The following ZNF680 variants were observed in gnomAD, a reference collection of about 807,000 sequenced individuals.
ZNF680 encodes the protein zinc finger protein 680, also known as hypothetical protein FLJ90430.
In ZNF680, 6 loss-of-function variants were observed where a neutral mutation model predicts 12.1. That is an observed-to-expected ratio of 0.49 (90% CI 0.27 to 0.98). The LOEUF (loss-of-function observed/expected upper bound fraction) is 0.98. Ranked by LOEUF, ZNF680 falls within the 50% of genes least tolerant of loss-of-function variation. ZNF680 has a pLI of 0.12. For missense variants in ZNF680, 561 were observed against 616.3 expected (o/e 0.91, Z 0.95); for synonymous variants, 170 against 199.3 (o/e 0.85, Z 1.24).
chr7:64,514,900 G>A (rs1319435773), downstream of ZNF680, among the ~76,000 whole-genome samples: 6 of 152,098 alleles, frequency 3.9e-5, no homozygotes, highest in Admixed American at 1.3e-4. Context: ...AAAATTAGCC[G>A]GGCGTGGTCG....
intron 3 of ZNF680, among the ~76,000 whole-genome samples, chr7:64,530,226 T>C (rs1023072029): frequency 3.9e-5 from 6 of 152,022 alleles, no homozygotes; most frequent in Non-Finnish European, 5.9e-5. Context: ...ACAGGACCTA[T>C]AGAACAAAAA....
intron 1 of ZNF680, chr7:64,551,417 A>G (rs1168273343): frequency 6.6e-6 from 1 of 152,306 alleles, no homozygotes; most frequent in Non-Finnish European, 1.5e-5. Flanking sequence ...ACTGAGGTAC[A>G]GCCCACAATA....
the ZNF680 span, among the ~76,000 whole-genome samples, chr7:64,503,860 T>A: frequency 6.6e-6 from 1 of 152,152 alleles, no homozygotes; most frequent in African/African-American, 2.4e-5. Flanking sequence ...TGGGTAGAGC[T>A]GAGAATAGCA....
chr7:64,506,594 T>C, the ZNF680 span, among the ~76,000 whole-genome samples: 5 of 152,244 alleles, frequency 3.3e-5, no homozygotes, highest in Non-Finnish European at 2.9e-5. Flanking sequence ...TAATTTTTTT[T>C]CTGGCTTAAA....
chr7:64,526,149 C>A, intron 3 of ZNF680: 1 of 901,148 alleles, frequency 1.1e-6, no homozygotes, highest in Non-Finnish European at 1.3e-6. Context: ...TATTGGACAC[C>A]ATCAAGTACA....
In ZNF680 at chr7:64,522,288, A is replaced by G; in HGVS notation, c.466T>C (p.Cys156Arg). The G allele has an allele frequency of 6.2e-7, 1 of 1,613,230 alleles. No individual in the cohort carries two copies. The highest frequency in any genetic ancestry group is 8.5e-7 in the Non-Finnish European group (1 of 1,179,496). ...LRTTQSKIFQ[C>R]DKYVKVFHKF... ...TGAAAGACTTTCACGTATTTATCAC[A>G]TTGAAATATTTTGCTCTGGGTAGTT... Residue 156 changes from cysteine to arginine, a missense_variant, in exon 4 of 4, where the codon TGT (cysteine) becomes CGT (arginine). Transcript: ENST00000309683.
chr7:64,501,531 A>G, the ZNF680 span: 1 of 770,700 alleles, frequency 1.3e-6, no homozygotes, highest in African/African-American at 1.7e-5. Flanking sequence ...AGAGGAACAG[A>G]GCAGGAGCTC....
intron 1 of ZNF680, among the ~76,000 whole-genome samples, chr7:64,554,479 C>T (rs62461522): frequency 0.05 from 7,644 of 152,240 alleles, 286 homozygotes; most frequent in East Asian, 0.17. Flanking sequence ...CCGGCTGCCC[C>T]GTCTGGGAGG....
chr7:64,548,269 A>G (rs1424698019), intron 1 of ZNF680, among the ~76,000 whole-genome samples: 1 of 152,264 alleles, frequency 6.6e-6, no homozygotes, highest in Non-Finnish European at 1.5e-5. Flanking sequence ...GAAAGTAAAA[A>G]AGAATACAAA....
At chr7:64,535,462 G>C (rs1387975145) in intron 3 of ZNF680, among the ~76,000 whole-genome samples, 1 of 142,110 alleles carries the variant, frequency 7.0e-6, no homozygotes, top group African/African-American at 2.6e-5. Flanking sequence ...GAGAGAGAAA[G>C]AGAAAAAGAA....
intron 1 of ZNF680, among the ~76,000 whole-genome samples, chr7:64,548,762 C>T (rs888262843): frequency 2.6e-5 from 4 of 151,996 alleles, no homozygotes; most frequent in Non-Finnish European, 5.9e-5. Context: ...TGAGAGGGTT[C>T]CCAATGACCC....
downstream of ZNF680, among the ~76,000 whole-genome samples, chr7:64,516,259 T>C (rs898002614): frequency 6.6e-6 from 1 of 152,214 alleles, no homozygotes; most frequent in Non-Finnish European, 1.5e-5. Context: ...CTAAGTGTTA[T>C]CTCAAACAAA....
At chr7:64,515,345 T>C (rs984092162), downstream of ZNF680, among the ~76,000 whole-genome samples, 17 of 150,990 alleles carry the variant, frequency 1.1e-4, no homozygotes, top group Admixed American at 9.2e-4. Flanking sequence ...CACCCCCCCC[T>C]AAAAAATCCT....
chr7:64,539,351 CAAAAAAAAAAA>C (rs1170166478), intron 3 of ZNF680, among the ~76,000 whole-genome samples: 4 of 48,498 alleles, frequency 8.2e-5, no homozygotes, highest in Non-Finnish European at 1.4e-4. Context: ...AACTTCGTCT[CAAAAAAAAAAA>C]AAAAAAAAAA....
At chr7:64,561,194 G>GCACT (rs1346508073) in intron 1 of ZNF680, 13 of 155,144 alleles carry the variant, frequency 8.4e-5, no homozygotes, top group African/African-American at 3.1e-4. Flanking sequence ...TTCCAAGGAA[G>GCACT]AGTGCACCAG....
chr7:64,544,040 GCAA>G lies in ZNF680; in HGVS notation c.158-241_158-239del, dbSNP rs1786647553. ...GGGGCAATTAAATTTTAAGGTGTGG[GCAA>G]CAACATTTTATGCCATCAAATTTCT... On this transcript the variant is annotated intron_variant, in intron 2 of 3. Coordinates refer to ENST00000309683, the MANE Select transcript of ZNF680 (RefSeq NM_178558.5). 6 of 596,338 alleles carry G rather than the reference GCAA, an allele frequency of 1.0e-5. No individual in the cohort carries two copies. The South Asian group carries it at 1.4e-4, about 14-fold the overall frequency. The allele number at this position is 596,338 out of a possible 1,614,324, so 36.9% of individuals were successfully genotyped here. A position where few individuals can be genotyped will look rare whatever the true frequency, so the allele number is the denominator to read the frequency against.
chr7:64,499,616 G>C, the ZNF680 span, among the ~76,000 whole-genome samples: 1 of 152,120 alleles, frequency 6.6e-6, no homozygotes, highest in Non-Finnish European at 1.5e-5. Flanking sequence ...AATTAACCGG[G>C]TGTGGTGTGC....
chr7:64,536,870 G>T (rs997195035), intron 3 of ZNF680, among the ~76,000 whole-genome samples: 3 of 152,028 alleles, frequency 2.0e-5, no homozygotes, highest in Non-Finnish European at 2.9e-5. Flanking sequence ...GAAGTTTCAG[G>T]CCAGCCTAGG....
intron 1 of ZNF680, among the ~76,000 whole-genome samples, chr7:64,547,285 GCA>G (rs1396607002): frequency 6.6e-6 from 1 of 152,188 alleles, no homozygotes; most frequent in African/African-American, 2.4e-5. Flanking sequence ...AGCAGGCACA[GCA>G]CAGACTCCCT....
Sources: gnomAD v4.1 joint callset for allele counts (sites outside exome capture counted in the v4.1 genomes callset) on GRCh38, gnomAD v4.1.1 for gene constraint, MANE v1.5 for transcripts, NCBI Gene and HGNC (gene_info 2026-07-23, HGNC 2026-07-21) for gene names.